The following BABAM2 variants were observed in gnomAD, a reference collection of about 807,000 sequenced individuals.
BABAM2 encodes BRISC and BRCA1-A complex member 2.
BABAM2 carries 31 observed loss-of-function variants against 54.7 expected under a neutral mutation model. That is an observed-to-expected ratio of 0.57 (90% CI 0.43 to 0.77). The LOEUF (loss-of-function observed/expected upper bound fraction) is 0.77. Among genes scored for constraint, BABAM2 ranks in the 30% least tolerant of loss-of-function variants. The pLI is 0.00. For synonymous variants in BABAM2, 167 were observed against 162.9 expected (o/e 1.03, Z -0.19); for missense variants, 364 against 455.8 (o/e 0.80, Z 1.83).
chr2:28,192,517 CT>C lies in BABAM2; in HGVS notation c.681-44663del, dbSNP rs58587872. ...TATTCATTTGACTGGGTTTATAGCT[CT>C]TTTTTTTTTTTTTTTTTTTTTGAAA... On this transcript the variant is annotated intron_variant, in intron 7 of 11. Coordinates refer to ENST00000379624, the MANE Select transcript of BABAM2 (RefSeq NM_199191.3). Among the ~76,000 whole-genome samples, 372 of 120,578 alleles carry C rather than the reference CT, an allele frequency of 3.1e-3. 1 individual carries two copies. Among genetic ancestry groups the C allele is most frequent in the African/African-American group, 7.4e-3 (240 of 32,396 alleles). 79.1% of individuals were successfully genotyped at this position (120,578 alleles called of 152,430 possible). A position where few individuals can be genotyped will look rare whatever the true frequency, so the allele number is the denominator to read the frequency against.
rs1261639961 is a variant in BABAM2 at position 27,970,971 on chromosome 2, A to G, written c.206-17022A>G. ...GTTTAAACATATTTGTCAAGCTTTT[A>G]AAATAAGTGATGTTATATACTTCTC... On this transcript the variant is annotated intron_variant, in intron 3 of 11. Coordinates refer to ENST00000379624, the MANE Select transcript of BABAM2 (RefSeq NM_199191.3). Among the ~76,000 whole-genome samples the G allele has an allele frequency of 2.0e-5, 3 of 152,068 alleles. No homozygotes were observed. In the South Asian group the frequency reaches 6.2e-4, roughly 32 times the overall value.
intron 2 of BABAM2, among the ~76,000 whole-genome samples, chr2:27,897,788 G>A (rs1040133325): frequency 3.3e-5 from 5 of 152,080 alleles, no homozygotes; most frequent in Admixed American, 6.5e-5. Context: ...CATTCAGTCT[G>A]AATTTCCACA....
At chr2:28,072,374 T>C (rs1436274210) in intron 6 of BABAM2, among the ~76,000 whole-genome samples, 22 of 150,618 alleles carry the variant, frequency 1.5e-4, no homozygotes. Flanking sequence ...GGTTTCACCA[T>C]GTTGGCAGCC....
intron 10 of BABAM2, among the ~76,000 whole-genome samples, chr2:28,267,393 G>A (rs1014678883): frequency 1.3e-5 from 2 of 151,514 alleles, no homozygotes; most frequent in African/African-American, 4.9e-5. Flanking sequence ...CCCACCCCCA[G>A]GCCCAGCTGT....
intron 7 of BABAM2, among the ~76,000 whole-genome samples, chr2:28,153,975 C>T (rs755510487): frequency 1.3e-5 from 2 of 152,058 alleles, no homozygotes; most frequent in Non-Finnish European, 2.9e-5. Context: ...AGCAGAGTTG[C>T]ACAGAAAGTT....
intron 1 of BABAM2, among the ~76,000 whole-genome samples, chr2:27,893,467 C>A (rs779954622): frequency 6.6e-6 from 1 of 152,182 alleles, no homozygotes; most frequent in Non-Finnish European, 1.5e-5. Context: ...CTTGTTATAT[C>A]TATTCCCCTA....
chr2:28,126,973 C>T lies in BABAM2; in HGVS notation c.571-2298C>T, dbSNP rs1194984797. On this transcript the variant is annotated intron_variant, in intron 6 of 11. Transcript: ENST00000379624. ...GAAGTGTCTGTTCATGTCCTTCGCC[C>T]ACTTTTTGATGGGGTTGTTTTTTTC... Among the ~76,000 whole-genome samples, 39 of 150,746 alleles carry T rather than the reference C, an allele frequency of 2.6e-4. 1 individual carries two copies. The highest frequency in any genetic ancestry group is 4.4e-5 in the Non-Finnish European group (3 of 67,704).
intron 3 of BABAM2, among the ~76,000 whole-genome samples, chr2:27,954,620 T>C (rs1669959543): frequency 1.3e-5 from 2 of 152,168 alleles, no homozygotes; most frequent in Admixed American, 6.5e-5. Context: ...AGTCTAGAAA[T>C]AGGTAATAGA....
intron 3 of BABAM2, among the ~76,000 whole-genome samples, chr2:27,974,483 A>G (rs1671452449): frequency 6.6e-6 from 1 of 152,162 alleles, no homozygotes; most frequent in Admixed American, 6.5e-5. Context: ...TCTCCATATT[A>G]ACAGACTAAT....
chr2:27,959,953 T>C (rs1670353359), intron 3 of BABAM2, among the ~76,000 whole-genome samples: 1 of 152,170 alleles, frequency 6.6e-6, no homozygotes, highest in Admixed American at 6.5e-5. Flanking sequence ...CTGAAAAGCA[T>C]TTTTTATGTC....
intron 5 of BABAM2, among the ~76,000 whole-genome samples, chr2:28,042,916 C>A (rs957835036): frequency 4.0e-5 from 6 of 151,392 alleles, no homozygotes; most frequent in African/African-American, 1.2e-4. Context: ...CCCAGCTACT[C>A]GGGAGGCTGA....
intron 11 of BABAM2, among the ~76,000 whole-genome samples, chr2:28,319,805 A>G (rs901568932): frequency 1.3e-5 from 2 of 152,208 alleles, no homozygotes; most frequent in African/African-American, 4.8e-5. Flanking sequence ...AGGAGTGCAC[A>G]TGATTTTCCA....
intron 6 of BABAM2, among the ~76,000 whole-genome samples, chr2:28,119,525 A>C (rs989263701): frequency 1.3e-5 from 2 of 152,220 alleles, no homozygotes; most frequent in African/African-American, 4.8e-5. Flanking sequence ...GTATTTGGCC[A>C]ACAAAATCTT....
chr2:27,947,642 A>T (rs1259154744), intron 3 of BABAM2, among the ~76,000 whole-genome samples: 3 of 152,096 alleles, frequency 2.0e-5, no homozygotes, highest in African/African-American at 7.2e-5. Context: ...TTTCTCCCTG[A>T]CTGTGGCTTG....
chr2:27,972,542 C>T (rs1236013989), intron 3 of BABAM2, among the ~76,000 whole-genome samples: 1 of 152,080 alleles, frequency 6.6e-6, no homozygotes, highest in African/African-American at 2.4e-5. Context: ...AATATAGTCG[C>T]TGCTAGCCAC....
chr2:28,312,223 G>C (rs997573443), intron 11 of BABAM2, among the ~76,000 whole-genome samples: 1 of 152,152 alleles, frequency 6.6e-6, no homozygotes, highest in Non-Finnish European at 1.5e-5. Flanking sequence ...GACAAGCAGA[G>C]GCCTTGCTTC....
chr2:28,021,663 G>A (rs926110997), intron 4 of BABAM2, among the ~76,000 whole-genome samples: 3 of 152,034 alleles, frequency 2.0e-5, no homozygotes, highest in African/African-American at 7.2e-5. Context: ...GCAAAATTTT[G>A]TAGTAAGAAG....
intron 11 of BABAM2, among the ~76,000 whole-genome samples, chr2:28,318,238 A>G (rs893451828): frequency 6.6e-6 from 1 of 152,064 alleles, no homozygotes; most frequent in African/African-American, 2.4e-5. Context: ...CCTCTGTACA[A>G]GGAAGGGCTG....
At chr2:27,891,042 A>C (rs1475360316) in intron 1 of BABAM2, 200 bp downstream of exon 1, 3 of 152,248 alleles carry the variant, frequency 2.0e-5, no homozygotes, top group African/African-American at 7.2e-5. Flanking sequence ...CTCTTTCTCC[A>C]TATCTGGCCC....
Sources: gnomAD v4.1 joint callset for allele counts (sites outside exome capture counted in the v4.1 genomes callset) on GRCh38, gnomAD v4.1.1 for gene constraint, MANE v1.5 for transcripts, NCBI Gene and HGNC (gene_info 2026-07-23, HGNC 2026-07-21) for gene names.